The following PPM1L variants were observed in gnomAD, a reference collection of about 807,000 sequenced individuals.
The protein encoded by PPM1L is protein phosphatase, Mg2+/Mn2+ dependent 1L.
Under a neutral mutation model 31.4 loss-of-function variants are expected in PPM1L, and 13 were observed. That is an observed-to-expected ratio of 0.41 (90% CI 0.27 to 0.66). The LOEUF (loss-of-function observed/expected upper bound fraction) is 0.66, where lower values mean the gene tolerates loss of function less well. PPM1L is among the 30% of genes least tolerant of loss of function. PPM1L has a pLI of 0.29. For synonymous variants in PPM1L, 184 were observed against 175.4 expected, an observed-to-expected ratio of 1.05 and a Z score of -0.39; for missense variants, 326 against 453.7, an observed-to-expected ratio of 0.72 and a Z score of 2.56.
At chr3:160,903,164 AGTGTGTGTGTGTGT>A (rs60731351) in intron 1 of PPM1L, among the ~76,000 whole-genome samples, 1 of 106,530 alleles carries the variant, frequency 9.4e-6, no homozygotes, top group African/African-American at 4.3e-5. Context: ...TAGAAGCAAT[AGTGTGTGTGTGTGT>A]GTGTGTGTGT....
At position 161,078,810 on chromosome 3, in the gene PPM1L, C is replaced by CT. The variant is rs1449605004; in HGVS notation, c.*9654dup. 1.3e-5 allele frequency: 2 copies of CT among 152,148 alleles called. No individual in the cohort carries two copies. The highest frequency in any genetic ancestry group is 2.9e-5 in the Non-Finnish European group (2 of 68,022). 9.4% of individuals were successfully genotyped at this position (152,148 alleles called of 1,614,324 possible). The stretch of plus-strand genomic sequence containing the variant: ...AGAGACTAATGTGTTCATGCTATCT[C>CT]TGATCCTGTGGTGTTGTATAAAAAT... On this transcript the variant is annotated 3_prime_UTR_variant, in exon 4 of 4. Transcript: ENST00000498165.
intron 1 of PPM1L, among the ~76,000 whole-genome samples, chr3:160,871,916 A>G (rs1328333098): frequency 6.6e-6 from 1 of 152,132 alleles, no homozygotes; most frequent in Non-Finnish European, 1.5e-5. Flanking sequence ...GAAAATGACC[A>G]CTTTTGTATT....
At chr3:160,970,318 G>A (rs1716281653) in intron 2 of PPM1L, among the ~76,000 whole-genome samples, 2 of 152,130 alleles carry the variant, frequency 1.3e-5, no homozygotes, top group Admixed American at 1.3e-4. Flanking sequence ...ATAACAGTAG[G>A]AAGAGGGGAG....
chr3:160,993,560 C>T (rs1241831609), intron 2 of PPM1L, among the ~76,000 whole-genome samples: 1 of 152,190 alleles, frequency 6.6e-6, no homozygotes, highest in Middle Eastern at 3.4e-3. Context: ...ATCAGTAGCC[C>T]TCTGCTTGCA....
intron 2 of PPM1L, among the ~76,000 whole-genome samples, chr3:161,016,397 T>G (rs1718089135): frequency 6.6e-6 from 1 of 152,218 alleles, no homozygotes; most frequent in Non-Finnish European, 1.5e-5. Context: ...ATATTTCCAG[T>G]ACAATGTGAT....
At chr3:160,958,829 C>T (rs1295393968) in intron 1 of PPM1L, among the ~76,000 whole-genome samples, 1 of 152,174 alleles carries the variant, frequency 6.6e-6, no homozygotes, top group Non-Finnish European at 1.5e-5. Flanking sequence ...ACCACCACTT[C>T]CCAGTGGACT....
intron 2 of PPM1L, among the ~76,000 whole-genome samples, chr3:160,969,204 G>A (rs1224387567): frequency 6.6e-6 from 1 of 152,192 alleles, no homozygotes; most frequent in Non-Finnish European, 1.5e-5. Context: ...CTACCTGCAG[G>A]TGAAAGCTAC....
chr3:161,044,140 A>G (rs1718988818), intron 2 of PPM1L, among the ~76,000 whole-genome samples: 1 of 152,072 alleles, frequency 6.6e-6, no homozygotes, highest in Non-Finnish European at 1.5e-5. Context: ...CCTGGGTTCA[A>G]GCAATTCTCC....
At chr3:160,780,535 T>G (rs1401802943) in intron 1 of PPM1L, among the ~76,000 whole-genome samples, 1 of 152,142 alleles carries the variant, frequency 6.6e-6, no homozygotes, top group East Asian at 1.9e-4. Flanking sequence ...GCTGCTTGAG[T>G]GCATGGAGTG....
chr3:160,758,810 T>C (rs1714885923), intron 1 of PPM1L, among the ~76,000 whole-genome samples: 1 of 152,338 alleles, frequency 6.6e-6, no homozygotes, highest in East Asian at 1.9e-4. Context: ...AAGATGATAA[T>C]CTTTAGCCAA....
intron 1 of PPM1L, among the ~76,000 whole-genome samples, chr3:160,933,679 C>CT (rs1316694950): frequency 0.011 from 1,642 of 145,108 alleles, 37 homozygotes; most frequent in African/African-American, 0.037. Context: ...GTTGCCTTGA[C>CT]TTTTTTTTTT....
At chr3:160,968,514 T>C (rs2108114109) in intron 2 of PPM1L, among the ~76,000 whole-genome samples, 1 of 152,350 alleles carries the variant, frequency 6.6e-6, no homozygotes, top group South Asian at 2.1e-4. Context: ...TCTTTCCTCA[T>C]ATTTATTTTT....
intron 1 of PPM1L, among the ~76,000 whole-genome samples, chr3:160,896,193 CTTAT>C (rs1446372134): frequency 6.6e-6 from 1 of 151,988 alleles, no homozygotes; most frequent in Non-Finnish European, 1.5e-5. Context: ...CTTTGAATTA[CTTAT>C]TTAAAGTTTA....
At chr3:160,844,586 T>C (rs944763239) in intron 1 of PPM1L, among the ~76,000 whole-genome samples, 6 of 152,302 alleles carry the variant, frequency 3.9e-5, no homozygotes, top group Non-Finnish European at 8.8e-5. Flanking sequence ...CCTCTTCACA[T>C]GTCTTCTGCA....
At position 161,071,897 on chromosome 3, in the gene PPM1L, G is replaced by A. The variant is rs534382249; in HGVS notation, c.*2740G>A. On this transcript the variant is annotated 3_prime_UTR_variant, in exon 4 of 4. Transcript: ENST00000498165. ...CCCTAAGCAGCACTGCCAAAGCTTT[G>A]GAATTGTCACCCAAGGCTTCCTAGA... 1.3e-5 allele frequency: 2 copies of A among 151,754 alleles called. No homozygotes were observed. Among genetic ancestry groups the A allele is most frequent in the East Asian group, 1.9e-4 (1 of 5,174 alleles). 9.4% of individuals were successfully genotyped at this position (151,754 alleles called of 1,614,324 possible).
chr3:160,960,176 T>C (rs1715906469), intron 1 of PPM1L, among the ~76,000 whole-genome samples: 1 of 152,128 alleles, frequency 6.6e-6, no homozygotes, highest in African/African-American at 2.4e-5. Context: ...AGTATGTATG[T>C]TTAATGCATA....
At chr3:160,986,559 T>A (rs12486103) in intron 2 of PPM1L, among the ~76,000 whole-genome samples, 2,244 of 152,354 alleles carry the variant, frequency 0.015, 80 homozygotes, top group Admixed American at 0.073. Flanking sequence ...TTTGTATTAA[T>A]TAATTGCCTG....
chr3:160,948,924 T>C (rs1446216082), intron 1 of PPM1L, among the ~76,000 whole-genome samples: 1 of 152,050 alleles, frequency 6.6e-6, no homozygotes, highest in African/African-American at 2.4e-5. Context: ...AAAATCAGAA[T>C]CTCTAGGGGG....
chr3:161,022,657 C>CT lies in PPM1L; in HGVS notation c.575-42722dup, dbSNP rs71147399. 8.1e-3 allele frequency among the ~76,000 whole-genome samples: 757 copies of CT among 93,676 alleles called. 4 individuals are homozygous for CT. Among genetic ancestry groups the CT allele is most frequent in the Non-Finnish European group, 0.011 (566 of 51,960 alleles). 61.5% of individuals were successfully genotyped at this position (93,676 alleles called of 152,430 possible). ...TGAATAACTTACTTAATTTCTCCTT[C>CT]TTTTTTTTTTTTTTTTTTTTTTTTG... On this transcript the variant is annotated intron_variant, in intron 2 of 3. Coordinates refer to ENST00000498165, the MANE Select transcript of PPM1L (RefSeq NM_139245.4).
Sources: allele counts gnomAD v4.1 joint callset (sites outside exome capture counted in the v4.1 genomes callset), GRCh38; gene constraint gnomAD v4.1.1; transcripts MANE v1.5; gene names NCBI Gene and HGNC (gene_info 2026-07-23, HGNC 2026-07-21).